Variants in PHKB observed in about 807,000 individuals in gnomAD.
PHKB encodes phosphorylase kinase regulatory subunit beta.
Under a neutral mutation model 152.1 loss-of-function variants are expected in PHKB, and 122 were observed. The observed-to-expected ratio is 0.80, with a 90% CI of 0.69 to 0.93. The LOEUF is 0.93. Among genes scored for constraint, PHKB ranks in the 40% least tolerant of loss-of-function variants. The pLI is 0.00. For synonymous variants in PHKB, 436 were observed against 464.9 expected, an observed-to-expected ratio of 0.94 and a Z score of 0.80; for missense variants, 1,304 against 1,328.4, an observed-to-expected ratio of 0.98 and a Z score of 0.29.
At position 47,596,454 on chromosome 16, in the gene PHKB, G is replaced by A. The variant is rs141379798; in HGVS notation, c.1286G>A (p.Arg429Gln). The A allele has an allele frequency of 8.9e-5, 144 of 1,613,674 alleles. No individual in the cohort carries two copies. The African/African-American group carries it at 1.3e-3, about 15-fold the overall frequency. Residue 429 changes from arginine (R) to glutamine (Q), a missense_variant, in exon 13 of 31, where the codon CGA becomes CAA. By Grantham distance (43) the Arg-to-Gln change is conservative (BLOSUM62 1). Transcript: ENST00000323584. ...AAAAATAACCCTGGTAGTCAAAAAC[G>A]ATTTCCTAGCAACTGTGGCCGTGAT... Reference protein sequence around the residue: ...YEKNNPGSQKRFPSNCGRDGK... With the variant: ...YEKNNPGSQKQFPSNCGRDGK...
intron 8 of PHKB, among the ~76,000 whole-genome samples, chr16:47,585,193 A>G (rs1047262314): frequency 6.6e-6 from 1 of 152,254 alleles, no homozygotes; most frequent in Non-Finnish European, 1.5e-5. Context: ...TCAGGATATT[A>G]TGGCAGAATT....
chr16:47,473,197 G>T lies in PHKB; in HGVS notation c.76+11771G>T, dbSNP rs143284296. ...ATTCCCTTCTGCTGGGCCTATAGGT[G>T]TGCACTACCATGCCTGGCTAATTTT... On this transcript the variant is annotated intron_variant, in intron 1 of 30. Transcript: ENST00000323584. Among the ~76,000 whole-genome samples, 57 of 129,308 alleles carry T rather than the reference G, an allele frequency of 4.4e-4. 1 individual carries two copies. In the East Asian group the frequency reaches 0.013, roughly 30 times the overall value. The allele number at this position is 129,308 out of a possible 152,430, so 84.8% of individuals were successfully genotyped here.
Position 47,647,308 on chromosome 16 carries a change from G to A in PHKB, c.1609-1225G>A, listed in dbSNP as rs140443257. ...CCGGCTAATTTTTGTATTATTAGTAGAGACCGGGTTTCACCATGTCGGCCA... is the reference window on the plus strand; with the variant it reads ...CCGGCTAATTTTTGTATTATTAGTAAAGACCGGGTTTCACCATGTCGGCCA... On this transcript the variant is annotated intron_variant, in intron 16 of 30. Coordinates refer to ENST00000323584, the MANE Select transcript of PHKB (RefSeq NM_000293.3). Among the ~76,000 whole-genome samples the A allele has an allele frequency of 6.8e-3, 1,039 of 152,064 alleles. 14 individuals are homozygous for A. Among genetic ancestry groups the A allele is most frequent in the African/African-American group, 0.024 (995 of 41,464 alleles).
chr16:47,603,223 G>C (rs1019650976), intron 13 of PHKB, among the ~76,000 whole-genome samples: 4 of 152,154 alleles, frequency 2.6e-5, no homozygotes, highest in African/African-American at 9.7e-5. Context: ...AGGATAGCAC[G>C]TGGTTTTCTT....
chr16:47,475,016 G>A (rs949709081), intron 1 of PHKB, among the ~76,000 whole-genome samples: 4 of 152,120 alleles, frequency 2.6e-5, no homozygotes, highest in African/African-American at 9.7e-5. Context: ...GTGCCACTGC[G>A]CCTGGACTAT....
At chr16:47,481,743 T>G (rs1348846828) in intron 1 of PHKB, among the ~76,000 whole-genome samples, 2 of 152,230 alleles carry the variant, frequency 1.3e-5, no homozygotes, top group African/African-American at 4.8e-5. Context: ...ACAACATCCC[T>G]GTGAGGTTAT....
chr16:47,552,051 T>G (rs1288650977), intron 7 of PHKB, among the ~76,000 whole-genome samples: 4 of 152,246 alleles, frequency 2.6e-5, no homozygotes, highest in Non-Finnish European at 5.9e-5. Context: ...TTTCTTTTTT[T>G]TCTTTCCATT....
chr16:47,535,754 T>C (rs890934600), intron 6 of PHKB, among the ~76,000 whole-genome samples: 2 of 152,252 alleles, frequency 1.3e-5, no homozygotes, highest in African/African-American at 4.8e-5. Flanking sequence ...TTCATTTAAC[T>C]CTGTTTTGAA....
chr16:47,618,460 A>G (rs957199349), intron 14 of PHKB, among the ~76,000 whole-genome samples: 24 of 152,076 alleles, frequency 1.6e-4, no homozygotes, highest in African/African-American at 5.8e-4. Flanking sequence ...TTCTATACTC[A>G]ATGTTTCTTC....
At chr16:47,682,146 C>T (rs976382620) in intron 26 of PHKB, among the ~76,000 whole-genome samples, 1 of 152,194 alleles carries the variant, frequency 6.6e-6, no homozygotes, top group African/African-American at 2.4e-5. Flanking sequence ...AGTCTGATGG[C>T]CTTCCCTTTG....
intron 14 of PHKB, among the ~76,000 whole-genome samples, chr16:47,627,982 A>G (rs991272812): frequency 1.3e-5 from 2 of 152,178 alleles, no homozygotes; most frequent in East Asian, 3.8e-4. Context: ...AATGAGTGTA[A>G]TGAAAAAATG....
chr16:47,579,698 A>T (rs753637815), intron 7 of PHKB, among the ~76,000 whole-genome samples: 21 of 152,304 alleles, frequency 1.4e-4, no homozygotes, highest in South Asian at 6.2e-4. Flanking sequence ...AGGCCAAAAG[A>T]GTAGGACACT....
Position 47,511,689 on chromosome 16 carries a change from C to T in PHKB, c.430C>T (p.Arg144Cys), listed in dbSNP as rs762531075. ...DKVQQFKQDPRPTTCLHSVFN... is the reference protein window; with the variant it reads ...DKVQQFKQDPCPTTCLHSVFN... ...GGTCCAGCAGTTTAAGCAGGATCCA[C>T]GCCCAACAACATGTCTTCACTCTGT... is the stretch of plus-strand genomic sequence containing the variant. The change falls in exon 5 of 31, where the codon CGC (arginine) becomes TGC (cysteine). Residue 144 changes from arginine (R) to cysteine (C), a missense_variant. Physicochemically the swap from Arg to Cys is radical, Grantham distance 180. Transcript: ENST00000323584. 128 of 1,612,274 alleles carry T rather than the reference C, an allele frequency of 7.9e-5. No individual in the cohort carries two copies. Among genetic ancestry groups the T allele is most frequent in the Non-Finnish European group, 1.0e-4 (121 of 1,178,442 alleles).
At chr16:47,499,656 C>T (rs768476466) in intron 2 of PHKB, 100 bp from the exon 3 acceptor site, 59 of 1,382,972 alleles carry the variant, frequency 4.3e-5, no homozygotes, top group Non-Finnish European at 5.4e-5. Flanking sequence ...GAAACAAAAT[C>T]GTCAGAAGTG....
intron 29 of PHKB, 84 bp downstream of exon 29, chr16:47,696,572 A>G: frequency 1.3e-6 from 1 of 799,290 alleles, no homozygotes; most frequent in African/African-American, 1.7e-5. Flanking sequence ...TGCCTATGAG[A>G]CCCAGAATCC....
At chr16:47,506,181 G>A (rs868407829) in intron 4 of PHKB, among the ~76,000 whole-genome samples, 2 of 149,814 alleles carry the variant, frequency 1.3e-5, no homozygotes, top group Admixed American at 6.7e-5. Context: ...GTGAGACTCC[G>A]CCTCAAAAAA....
chr16:47,530,477 A>G (rs1970843998), intron 6 of PHKB, among the ~76,000 whole-genome samples: 1 of 152,190 alleles, frequency 6.6e-6, no homozygotes, highest in Non-Finnish European at 1.5e-5. Context: ...AACATTGTAC[A>G]GGTGACCTAG....
intron 26 of PHKB, chr16:47,676,542 A>G (rs938485678): frequency 2.6e-5 from 4 of 152,172 alleles, no homozygotes; most frequent in Non-Finnish European, 5.9e-5. Flanking sequence ...CTTTTATCTC[A>G]GGTTTAACTA....
chr16:47,506,003 T>C (rs1261599700), intron 4 of PHKB, among the ~76,000 whole-genome samples: 1 of 123,362 alleles, frequency 8.1e-6, no homozygotes. Flanking sequence ...CTTCCCAGCA[T>C]GGGCAACAGA....
Sources: gnomAD v4.1 joint callset for allele counts (sites outside exome capture counted in the v4.1 genomes callset) on GRCh38, gnomAD v4.1.1 for gene constraint, MANE v1.5 for transcripts, NCBI Gene and HGNC (gene_info 2026-07-23, HGNC 2026-07-21) for gene names.